Variants in ELMO1 observed in about 807,000 individuals in gnomAD.
The protein encoded by ELMO1 is engulfment and cell motility protein 1.
Under a neutral mutation model 98.9 loss-of-function variants are expected in ELMO1, and 26 were observed. The observed-to-expected ratio is 0.26, with a 90% CI of 0.19 to 0.36. ELMO1 has a LOEUF of 0.36. Ranked by LOEUF, ELMO1 falls within the 10% of genes least tolerant of loss-of-function variation. The pLI is 1.00. For missense variants in ELMO1, 627 were observed against 935.2 expected, an observed-to-expected ratio of 0.67 and a Z score of 4.30; for synonymous variants, 346 against 346.0, an observed-to-expected ratio of 1.00 and a Z score of 0.00.
intron 13 of ELMO1, among the ~76,000 whole-genome samples, chr7:37,192,982 T>G (rs1791720217): frequency 2.1e-5 from 1 of 46,822 alleles, no homozygotes; most frequent in Admixed American, 3.2e-4. Flanking sequence ...TATATATATA[T>G]ATATATATAT....
chr7:36,906,527 C>T (rs558990971), intron 16 of ELMO1, among the ~76,000 whole-genome samples: 11 of 152,320 alleles, frequency 7.2e-5, no homozygotes, highest in Non-Finnish European at 1.6e-4. Context: ...GGCCTATATT[C>T]GCTCAGCTAA....
At chr7:37,395,461 C>A (rs1433106216) in intron 1 of ELMO1, among the ~76,000 whole-genome samples, 1 of 150,714 alleles carries the variant, frequency 6.6e-6, no homozygotes, top group Non-Finnish European at 1.5e-5. Flanking sequence ...TCCAGTAATT[C>A]TAGAATTGGG....
chr7:37,333,135 G>A (rs1180339538), intron 2 of ELMO1, among the ~76,000 whole-genome samples: 1 of 152,174 alleles, frequency 6.6e-6, no homozygotes, highest in African/African-American at 2.4e-5. Flanking sequence ...GCTAGAGGCT[G>A]CTCTCATTTC....
At chr7:37,165,412 G>A (rs940599201) in intron 13 of ELMO1, among the ~76,000 whole-genome samples, 130 of 151,896 alleles carry the variant, frequency 8.6e-4, no homozygotes, top group African/African-American at 2.8e-3. Flanking sequence ...CCTGTCTTGT[G>A]CCAGTTTTCA....
At chr7:37,392,545 C>T (rs913913309) in intron 1 of ELMO1, among the ~76,000 whole-genome samples, 1 of 152,168 alleles carries the variant, frequency 6.6e-6, no homozygotes, top group Non-Finnish European at 1.5e-5. Flanking sequence ...TGCTAGGCTA[C>T]CCCAGCTCTA....
intron 13 of ELMO1, among the ~76,000 whole-genome samples, chr7:37,152,743 A>T (rs1328980019): frequency 6.6e-6 from 1 of 152,266 alleles, no homozygotes; most frequent in Non-Finnish European, 1.5e-5. Flanking sequence ...TGGTTTAAAA[A>T]AGAAGAAAAT....
intron 16 of ELMO1, among the ~76,000 whole-genome samples, chr7:36,980,550 C>G (rs540064510): frequency 2.6e-5 from 4 of 152,304 alleles, no homozygotes; most frequent in Non-Finnish European, 5.9e-5. Context: ...CTAGAAACCA[C>G]ACTTTAAAGC....
chr7:37,083,665 C>G lies in ELMO1; in HGVS notation c.1300+12954G>C, dbSNP rs140227579. On this transcript the variant is annotated intron_variant, in intron 15 of 21. Coordinates refer to ENST00000310758, the MANE Select transcript of ELMO1 (RefSeq NM_014800.11). ...TGTTTGCTGGGATCTAAAACTGTGT[C>G]CTGCTCCCTGCAGACAGGCCAGAAA... Among the ~76,000 whole-genome samples the G allele has an allele frequency of 4.2e-3, 643 of 152,296 alleles. 4 individuals carry two copies. The highest frequency in any genetic ancestry group is 0.017 in the Middle Eastern group (5 of 294).
chr7:36,970,317 C>A (rs1584455734), intron 16 of ELMO1, among the ~76,000 whole-genome samples: 4 of 152,244 alleles, frequency 2.6e-5, no homozygotes, highest in African/African-American at 9.6e-5. Context: ...CACACACATG[C>A]ACGGCATTCT....
At chr7:37,448,315 G>A (rs1583785678) in intron 1 of ELMO1, among the ~76,000 whole-genome samples, 1 of 44,358 alleles carries the variant, frequency 2.3e-5, no homozygotes, top group African/African-American at 8.2e-5. Context: ...CCCCCCTCCC[G>A]CAGACCCTGG....
intron 16 of ELMO1, among the ~76,000 whole-genome samples, chr7:36,970,180 A>AACACACACACACACACACACACAC (rs56928749): frequency 2.8e-5 from 4 of 144,242 alleles, no homozygotes; most frequent in Non-Finnish European, 6.1e-5. Flanking sequence ...TCATACACTT[A>AACACACACACACACACACACACAC]ACACACACAC....
intron 16 of ELMO1, among the ~76,000 whole-genome samples, chr7:36,982,194 T>G (rs1791122469): frequency 6.6e-6 from 1 of 152,238 alleles, no homozygotes; most frequent in South Asian, 2.1e-4. Flanking sequence ...ATGAATCTAC[T>G]TTTTTAACTA....
intron 13 of ELMO1, among the ~76,000 whole-genome samples, chr7:37,139,120 A>G (rs1377692687): frequency 3.3e-5 from 5 of 152,230 alleles, no homozygotes; most frequent in Non-Finnish European, 5.9e-5. Context: ...TCAACATTCT[A>G]CTGAATAGGC....
At chr7:37,072,517 G>A (rs1678853111) in intron 15 of ELMO1, among the ~76,000 whole-genome samples, 1 of 152,098 alleles carries the variant, frequency 6.6e-6, no homozygotes, top group Admixed American at 6.5e-5. Flanking sequence ...CACAATATAG[G>A]TCCCTCAATA....
At chr7:37,412,022 GCT>G (rs143364186) in intron 1 of ELMO1, among the ~76,000 whole-genome samples, 3 of 151,994 alleles carry the variant, frequency 2.0e-5, no homozygotes, top group Admixed American at 1.3e-4. Context: ...TCCTACCTCT[GCT>G]CTCTCTCACA....
At chr7:36,934,478 G>A (rs1786334299) in intron 16 of ELMO1, among the ~76,000 whole-genome samples, 1 of 124,530 alleles carries the variant, frequency 8.0e-6, no homozygotes. Context: ...CCAGGGAAAT[G>A]GGAACCCTCA....
At chr7:37,168,541 G>T (rs1196802494) in intron 13 of ELMO1, among the ~76,000 whole-genome samples, 1 of 152,104 alleles carries the variant, frequency 6.6e-6, no homozygotes, top group Non-Finnish European at 1.5e-5. Flanking sequence ...CTGTTTGTTA[G>T]TTTTCCTTCT....
At chr7:36,965,802 T>C (rs976765897) in intron 16 of ELMO1, among the ~76,000 whole-genome samples, 2 of 152,176 alleles carry the variant, frequency 1.3e-5, no homozygotes, top group Non-Finnish European at 2.9e-5. Flanking sequence ...TAGCAGATCA[T>C]TAACACTGCT....
At chr7:37,256,054 C>T (rs191673601) in intron 6 of ELMO1, among the ~76,000 whole-genome samples, 3 of 152,224 alleles carry the variant, frequency 2.0e-5, no homozygotes, top group African/African-American at 7.2e-5. Context: ...CCTGGAGCTC[C>T]CCTCACAGAC....
Sources: allele counts gnomAD v4.1 joint callset (sites outside exome capture counted in the v4.1 genomes callset), GRCh38; gene constraint gnomAD v4.1.1; transcripts MANE v1.5; gene names NCBI Gene and HGNC (gene_info 2026-07-23, HGNC 2026-07-21).